CTNNA2: variants seen among roughly 807,000 people sequenced by gnomAD.
CTNNA2 encodes the protein catenin alpha-2.
Under a neutral mutation model 101.0 loss-of-function variants are expected in CTNNA2, and 42 were observed. The observed-to-expected ratio is 0.42, with a 90% CI of 0.32 to 0.54. The LOEUF (loss-of-function observed/expected upper bound fraction) is 0.54, where lower values mean the gene tolerates loss of function less well. Among genes scored for constraint, CTNNA2 ranks in the 20% least tolerant of loss-of-function variants. The pLI is 0.14. For missense variants in CTNNA2, 871 were observed against 1,223.1 expected, an observed-to-expected ratio of 0.71 and a Z score of 4.29; for synonymous variants, 450 against 456.4, an observed-to-expected ratio of 0.99 and a Z score of 0.18.
chr2:79,939,405 T>C (rs988256057), intron 7 of CTNNA2, among the ~76,000 whole-genome samples: 4 of 152,230 alleles, frequency 2.6e-5, no homozygotes, highest in South Asian at 2.1e-4. Context: ...ATGACTGTTA[T>C]TTTACAATGT....
chr2:80,644,743 T>C (rs1458347221), intron 18 of CTNNA2, among the ~76,000 whole-genome samples: 10 of 152,118 alleles, frequency 6.6e-5, no homozygotes, highest in Admixed American at 6.5e-5. Context: ...TTCAGTTGGC[T>C]GGATCTCTCA....
rs191219525 is a variant in CTNNA2, at chr2:79,798,339, G to A, written c.298+53757G>A. Among the ~76,000 whole-genome samples, 245 of 152,264 alleles carry A rather than the reference G, an allele frequency of 1.6e-3. 1 individual carries two copies. Among genetic ancestry groups the A allele is most frequent in the Admixed American group, 2.6e-3 (40 of 15,290 alleles). ...CTAAGGTCCATGTTAAGAACACAAT[G>A]TGAGTCTCCTGGTGGGTTTCAGGAC... is the stretch of plus-strand genomic sequence containing the variant. On this transcript the variant is annotated intron_variant, in intron 3 of 18. Transcript: ENST00000402739.
chr2:80,358,343 CTT>C (rs35040432), intron 7 of CTNNA2, among the ~76,000 whole-genome samples: 3 of 99,724 alleles, frequency 3.0e-5, no homozygotes, highest in African/African-American at 3.4e-5. Flanking sequence ...TAGTATTCTA[CTT>C]TTTTTTTTTT....
intron 7 of CTNNA2, among the ~76,000 whole-genome samples, chr2:80,171,033 G>A (rs1705016596): frequency 6.6e-6 from 1 of 152,170 alleles, no homozygotes; most frequent in Non-Finnish European, 1.5e-5. Flanking sequence ...CAGAAGACCT[G>A]GCTGTGTAAA....
chr2:79,760,458 C>CTTGAGT (rs566773037), intron 3 of CTNNA2, among the ~76,000 whole-genome samples: 77 of 152,238 alleles, frequency 5.1e-4, no homozygotes, highest in African/African-American at 1.8e-3. Flanking sequence ...GCTGGAAACT[C>CTTGAGT]AAGTAGGAGT....
chr2:79,903,540 C>CT, intron 6 of CTNNA2, among the ~76,000 whole-genome samples: 1 of 152,274 alleles, frequency 6.6e-6, no homozygotes, highest in East Asian at 1.9e-4. Flanking sequence ...CCAACTGCAT[C>CT]TCCCATTCCT....
At chr2:79,679,441 C>T (rs1353240824) in intron 2 of CTNNA2, among the ~76,000 whole-genome samples, 1 of 152,098 alleles carries the variant, frequency 6.6e-6, no homozygotes, top group African/African-American at 2.4e-5. Context: ...TATCCCCTGG[C>T]AGATCCCAGG....
At chr2:80,306,369 T>C (rs1011735607) in intron 7 of CTNNA2, among the ~76,000 whole-genome samples, 10 of 143,078 alleles carry the variant, frequency 7.0e-5, no homozygotes, top group African/African-American at 2.9e-4. Flanking sequence ...GGTTTTTTCT[T>C]TCTTTCTTTC....
intron 3 of CTNNA2, among the ~76,000 whole-genome samples, chr2:79,829,026 A>G (rs1406831850): frequency 6.6e-6 from 1 of 152,246 alleles, no homozygotes; most frequent in East Asian, 1.9e-4. Context: ...TTTAAGTGAA[A>G]TGTTTTCAAA....
rs61454985 is a variant in CTNNA2 at position 80,232,345 on chromosome 2, G to GTTTTTTTTTTTTTTTTTTT, written c.1057-160841_1057-160823dup. Among the ~76,000 whole-genome samples the GTTTTTTTTTTTTTTTTTTT allele has an allele frequency of 1.0e-3, 66 of 64,792 alleles. 3 individuals carry two copies. Among genetic ancestry groups the GTTTTTTTTTTTTTTTTTTT allele is most frequent in the Non-Finnish European group, 1.4e-3 (53 of 38,936 alleles). 42.5% of individuals were successfully genotyped at this position (64,792 alleles called of 152,430 possible). On this transcript the variant is annotated intron_variant, in intron 7 of 18. Transcript: ENST00000402739. Reference sequence around the variant, plus strand: ...GTTTTGTTTGTTTGTTTGTTTGTTTGTTTTTTTTTTTTTTTTTTTTTTTTT... The same window carrying GTTTTTTTTTTTTTTTTTTT: ...GTTTTGTTTGTTTGTTTGTTTGTTTGTTTTTTTTTTTTTTTTTTTTTTTTTTTTTTTTTTTTTTTTTTTT...
intron 3 of CTNNA2, among the ~76,000 whole-genome samples, chr2:79,362,682 G>T (rs1677658499): frequency 6.6e-6 from 1 of 152,150 alleles, no homozygotes; most frequent in Non-Finnish European, 1.5e-5. Flanking sequence ...ACCAATTCCA[G>T]GTAGAAACTT....
intron 1 of CTNNA2, among the ~76,000 whole-genome samples, chr2:79,626,036 G>C (rs1304756113): frequency 6.6e-6 from 1 of 152,114 alleles, no homozygotes; most frequent in East Asian, 1.9e-4. Context: ...GTGTGTGTTA[G>C]GAGGGACGTT....
intron 7 of CTNNA2, among the ~76,000 whole-genome samples, chr2:80,140,530 G>T (rs1429091389): frequency 1.3e-5 from 2 of 152,088 alleles, no homozygotes; most frequent in African/African-American, 4.8e-5. Flanking sequence ...CATGTGAGAG[G>T]TGCTTGTACG....
At chr2:80,630,208 TAA>T (rs1407619335) in intron 18 of CTNNA2, among the ~76,000 whole-genome samples, 1 of 152,206 alleles carries the variant, frequency 6.6e-6, no homozygotes, top group Non-Finnish European at 1.5e-5. Flanking sequence ...TTGTCTGAAA[TAA>T]AAGTTTAAAC....
intron 2 of CTNNA2, among the ~76,000 whole-genome samples, chr2:79,298,017 C>T (rs542733184): frequency 2.0e-5 from 3 of 152,296 alleles, no homozygotes; most frequent in East Asian, 1.9e-4. Flanking sequence ...TAAACCAATG[C>T]GTCATTATCA....
intron 1 of CTNNA2, among the ~76,000 whole-genome samples, chr2:79,557,983 A>G (rs537017455): frequency 3.3e-5 from 5 of 152,110 alleles, no homozygotes; most frequent in Non-Finnish European, 5.9e-5. Context: ...ATTTCACAGC[A>G]TTGTACAGAA....
chr2:79,210,420 G>A (rs1674156830), intron 2 of CTNNA2, among the ~76,000 whole-genome samples: 1 of 151,898 alleles, frequency 6.6e-6, no homozygotes, highest in Non-Finnish European at 1.5e-5. Context: ...TTTCTACCTG[G>A]AATGATCTGA....
chr2:80,281,636 T>C (rs1674388186), intron 7 of CTNNA2, among the ~76,000 whole-genome samples: 1 of 152,046 alleles, frequency 6.6e-6, no homozygotes, highest in Admixed American at 6.6e-5. Context: ...CTGGACTGAC[T>C]GAGAACTTGC....
chr2:80,611,820 A>G (rs1008451159), intron 17 of CTNNA2, among the ~76,000 whole-genome samples: 8 of 151,616 alleles, frequency 5.3e-5, no homozygotes, highest in African/African-American at 1.9e-4. Context: ...TAAAGTTAAA[A>G]GATAACAGGA....
Sources: allele counts gnomAD v4.1 joint callset (sites outside exome capture counted in the v4.1 genomes callset), GRCh38; gene constraint gnomAD v4.1.1; transcripts MANE v1.5; gene names NCBI Gene and HGNC (gene_info 2026-07-23, HGNC 2026-07-21).